Variants in PXDNL observed in about 807,000 individuals in gnomAD.
PXDNL encodes peroxidasin like.
A neutral mutation model predicts 150.8 loss-of-function variants in PXDNL; 145 were observed. That is an observed-to-expected ratio of 0.96 (90% CI 0.84 to 1.10). PXDNL has a LOEUF of 1.10. PXDNL is among the 50% of genes least tolerant of loss of function. The probability of loss-of-function intolerance (pLI) is 0.00; values close to 1 mark genes in which losing one functional copy is unlikely to be tolerated. For synonymous variants in PXDNL, 757 were observed against 725.7 expected, an observed-to-expected ratio of 1.04 and a Z score of -0.69; for missense variants, 2,087 against 1,873.9, an observed-to-expected ratio of 1.11 and a Z score of -2.10.
intron 12 of PXDNL, among the ~76,000 whole-genome samples, chr8:51,443,453 A>C (rs1258412710): frequency 6.6e-6 from 1 of 152,138 alleles, no homozygotes; most frequent in African/African-American, 2.4e-5. Context: ...AGTGGCACCC[A>C]ATCATTTTGG....
intron 4 of PXDNL, among the ~76,000 whole-genome samples, chr8:51,514,085 C>T (rs1424527407): frequency 2.0e-5 from 3 of 152,180 alleles, no homozygotes; most frequent in East Asian, 1.9e-4. Context: ...TGAAGAAGAA[C>T]GCAGAGCTCT....
chr8:51,448,522 G>C (rs893165799), intron 11 of PXDNL, among the ~76,000 whole-genome samples: 3 of 152,046 alleles, frequency 2.0e-5, no homozygotes, highest in African/African-American at 7.3e-5. Context: ...GGCTAACACG[G>C]TGAAACCCCG....
chr8:51,329,145 A>T (rs961362797), intron 21 of PXDNL, among the ~76,000 whole-genome samples: 5 of 152,204 alleles, frequency 3.3e-5, no homozygotes, highest in African/African-American at 1.2e-4. Flanking sequence ...CTCAGAACAT[A>T]AGCCCACTAG....
chr8:51,527,408 G>A (rs867593184), intron 4 of PXDNL, among the ~76,000 whole-genome samples: 5 of 152,154 alleles, frequency 3.3e-5, no homozygotes, highest in African/African-American at 9.6e-5. Flanking sequence ...TCCACACCTG[G>A]TAAATATTCA....
At chr8:51,772,543 C>G (rs527836825) in intron 1 of PXDNL, among the ~76,000 whole-genome samples, 3 of 152,124 alleles carry the variant, frequency 2.0e-5, no homozygotes, top group Non-Finnish European at 4.4e-5. Flanking sequence ...AACCACCAGG[C>G]CAGGTCAGCC....
chr8:51,333,579 CAACT>C (rs1805751892), intron 21 of PXDNL, among the ~76,000 whole-genome samples: 1 of 152,222 alleles, frequency 6.6e-6, no homozygotes, highest in Middle Eastern at 3.4e-3. Context: ...GCTCACCAAC[CAACT>C]ATCTGCTGCC....
intron 4 of PXDNL, among the ~76,000 whole-genome samples, chr8:51,506,370 G>A (rs1413173737): frequency 1.1e-4 from 17 of 151,760 alleles, no homozygotes; most frequent in East Asian, 3.9e-4. Flanking sequence ...GTGAAACCCC[G>A]TCTCTACTAA....
At chr8:51,700,185 AC>A (rs1816222641) in intron 1 of PXDNL, among the ~76,000 whole-genome samples, 2 of 151,384 alleles carry the variant, frequency 1.3e-5, no homozygotes, top group African/African-American at 4.9e-5. Context: ...ACACACACAC[AC>A]ACACACACAC....
intron 21 of PXDNL, among the ~76,000 whole-genome samples, chr8:51,334,635 A>G (rs1274852861): frequency 4.6e-5 from 7 of 152,210 alleles, no homozygotes; most frequent in Admixed American, 4.6e-4. Context: ...GAAACAGGAG[A>G]TATTACAACT....
At chr8:51,496,285 T>A (rs912921802) in intron 5 of PXDNL, among the ~76,000 whole-genome samples, 1 of 152,208 alleles carries the variant, frequency 6.6e-6, no homozygotes, top group African/African-American at 2.4e-5. Flanking sequence ...TATCTCAAAA[T>A]AATAAGAACT....
intron 1 of PXDNL, among the ~76,000 whole-genome samples, chr8:51,744,722 A>AAAAAGAAAAGAAAGAAAGAG (rs1347096119): frequency 5.8e-4 from 6 of 10,260 alleles, no homozygotes; most frequent in African/African-American, 6.6e-4. Context: ...AAGAAAAGAG[A>AAAAAGAAAAGAAAGAAAGAG]AAAAGAAAAG....
intron 8 of PXDNL, among the ~76,000 whole-genome samples, chr8:51,460,022 A>T (rs1390132323): frequency 1.3e-5 from 2 of 152,066 alleles, no homozygotes; most frequent in Non-Finnish European, 2.9e-5. Context: ...CTGAGGTGGG[A>T]GGATTGCTTG....
Position 51,418,933 on chromosome 8 carries a change from A to G in PXDNL, c.1795+4642T>C, listed in dbSNP as rs142170363. Among the ~76,000 whole-genome samples, 738 of 152,318 alleles carry G rather than the reference A, an allele frequency of 4.8e-3. 6 individuals carry two copies. Among genetic ancestry groups the G allele is most frequent in the African/African-American group, 0.017 (715 of 41,570 alleles). ...ACATAAAGAAGAGAAGTGGAAAAGA[A>G]GCAATTTTAGGGAAGGAAAGACGAG... On this transcript the variant is annotated intron_variant, in intron 14 of 22. Coordinates refer to ENST00000356297, the MANE Select transcript of PXDNL (RefSeq NM_144651.5).
intron 1 of PXDNL, among the ~76,000 whole-genome samples, chr8:51,764,417 CTTTT>C (rs1192496740): frequency 7.3e-6 from 1 of 137,134 alleles, no homozygotes; most frequent in Non-Finnish European, 1.6e-5. Context: ...TATTTGATGT[CTTTT>C]TTTTTTAATA....
intron 2 of PXDNL, among the ~76,000 whole-genome samples, chr8:51,620,624 A>T (rs1306424711): frequency 6.6e-6 from 1 of 151,716 alleles, no homozygotes; most frequent in African/African-American, 2.4e-5. Context: ...GCTCACTGCA[A>T]CCTCCGCCTC....
chr8:51,565,321 A>AATAAATAAATAAATAGATAG (rs569762504), intron 3 of PXDNL, among the ~76,000 whole-genome samples: 196 of 135,574 alleles, frequency 1.4e-3, no homozygotes, highest in Non-Finnish European at 1.8e-3. Context: ...TAAATAAATA[A>AATAAATAAATAAATAGATAG]ATAGATAGAT....
At chr8:51,347,237 C>A (rs1806187998) in intron 19 of PXDNL, among the ~76,000 whole-genome samples, 1 of 152,066 alleles carries the variant, frequency 6.6e-6, no homozygotes, top group Admixed American at 6.5e-5. Context: ...AAAGTGAAAA[C>A]CACTTACATC....
At chr8:51,575,634 G>A (rs754880050) in intron 3 of PXDNL, among the ~76,000 whole-genome samples, 9 of 152,020 alleles carry the variant, frequency 5.9e-5, no homozygotes, top group Non-Finnish European at 8.8e-5. Context: ...AGAATTGGTC[G>A]AACCTGGAAG....
intron 1 of PXDNL, among the ~76,000 whole-genome samples, chr8:51,743,372 C>T (rs1403239630): frequency 3.3e-5 from 5 of 152,000 alleles, no homozygotes; most frequent in African/African-American, 2.4e-5. Context: ...TGCCTGCCAC[C>T]GTGCCTGGCT....
Sources: allele counts gnomAD v4.1 joint callset (sites outside exome capture counted in the v4.1 genomes callset), GRCh38; gene constraint gnomAD v4.1.1; transcripts MANE v1.5; gene names NCBI Gene and HGNC (gene_info 2026-07-23, HGNC 2026-07-21).